The following ZNF385D variants were observed in gnomAD, a reference collection of about 807,000 sequenced individuals.
The protein encoded by ZNF385D is zinc finger protein 659.
In ZNF385D, 15 loss-of-function variants were observed where a neutral mutation model predicts 35.8. The observed-to-expected ratio is 0.42, with a 90% CI of 0.28 to 0.64. ZNF385D has a LOEUF of 0.64. Among genes scored for constraint, ZNF385D ranks in the 30% least tolerant of loss-of-function variants. The pLI is 0.23. For missense variants in ZNF385D, 474 were observed against 494.6 expected, an observed-to-expected ratio of 0.96 and a Z score of 0.39; for synonymous variants, 212 against 186.8, an observed-to-expected ratio of 1.13 and a Z score of -1.10.
At chr3:22,141,524 A>T (rs1479715952) in intron 3 of ZNF385D, among the ~76,000 whole-genome samples, 1 of 152,128 alleles carries the variant, frequency 6.6e-6, no homozygotes, top group Non-Finnish European at 1.5e-5. Flanking sequence ...GCCAATCCTC[A>T]ATTATTTGCA....
intron 2 of ZNF385D, among the ~76,000 whole-genome samples, chr3:22,354,352 A>T (rs1248904484): frequency 6.6e-6 from 1 of 152,132 alleles, no homozygotes; most frequent in Non-Finnish European, 1.5e-5. Flanking sequence ...GTAGTGCTCC[A>T]CACTTAGTCT....
At chr3:22,029,669 G>C (rs1697801970) in intron 3 of ZNF385D, among the ~76,000 whole-genome samples, 1 of 152,096 alleles carries the variant, frequency 6.6e-6, no homozygotes, top group Non-Finnish European at 1.5e-5. Context: ...TTTATCACGT[G>C]ACATGAGATT....
At chr3:21,774,046 A>G (rs1295558092) in intron 3 of ZNF385D, among the ~76,000 whole-genome samples, 2 of 152,022 alleles carry the variant, frequency 1.3e-5, no homozygotes, top group Non-Finnish European at 2.9e-5. Context: ...TAGACTGCGT[A>G]AAGAAAATGT....
chr3:21,481,433 C>T (rs893244346), intron 4 of ZNF385D, among the ~76,000 whole-genome samples: 2 of 152,110 alleles, frequency 1.3e-5, no homozygotes, highest in African/African-American at 4.8e-5. Flanking sequence ...TCTAAAATGC[C>T]CCAGGCCAGT....
chr3:21,947,706 A>G (rs1178084774), intron 3 of ZNF385D, among the ~76,000 whole-genome samples: 1 of 150,118 alleles, frequency 6.7e-6, no homozygotes, highest in Non-Finnish European at 1.5e-5. Context: ...TAATATCTCT[A>G]TATGTATTAA....
At chr3:22,275,161 A>G (rs1173485096) in intron 2 of ZNF385D, among the ~76,000 whole-genome samples, 1 of 152,154 alleles carries the variant, frequency 6.6e-6, no homozygotes, top group Non-Finnish European at 1.5e-5. Flanking sequence ...AACTAGGAAG[A>G]CATTACATTG....
chr3:22,338,989 C>G (rs1252795742), intron 2 of ZNF385D, among the ~76,000 whole-genome samples: 1 of 152,004 alleles, frequency 6.6e-6, no homozygotes, highest in Non-Finnish European at 1.5e-5. Flanking sequence ...GTGTGAGCCA[C>G]CACACCTGGC....
rs1700720746 is a variant in ZNF385D at position 21,421,264 on chromosome 3, G to C, written c.1138C>G (p.Pro380Ala). 2 of 1,614,112 alleles carry C rather than the reference G, an allele frequency of 1.2e-6. No homozygotes were observed. Among genetic ancestry groups the C allele is most frequent in the East Asian group, 2.2e-5 (1 of 44,868 alleles). Reference protein sequence around the residue: ...ALPPALLRPAPGPIRTAHTPV... With the variant: ...ALPPALLRPAAGPIRTAHTPV... ...GTGTGGGCGGTCCGAATGGGTCCAG[G>C]AGCTGGCCGCAGGAGTGCCGGAGGA... The change falls in exon 8 of 8, where the codon CCT becomes GCT. Residue 380 changes from proline to alanine, a missense_variant. Physicochemically the swap from Pro to Ala is conservative, Grantham distance 27 (BLOSUM62 -1). Coordinates refer to ENST00000281523, the MANE Select transcript of ZNF385D (RefSeq NM_024697.3).
chr3:21,932,022 C>T (rs1401427169), intron 3 of ZNF385D, among the ~76,000 whole-genome samples: 1 of 151,736 alleles, frequency 6.6e-6, no homozygotes, highest in Non-Finnish European at 1.5e-5. Context: ...AAAAAATTAG[C>T]CGGGAGCGGT....
chr3:22,124,794 C>A (rs1322321979), intron 3 of ZNF385D, among the ~76,000 whole-genome samples: 1 of 152,050 alleles, frequency 6.6e-6, no homozygotes, highest in African/African-American at 2.4e-5. Flanking sequence ...GTTGTTTGAG[C>A]TCCTTATATA....
At chr3:22,012,890 T>G (rs1321023274) in intron 3 of ZNF385D, among the ~76,000 whole-genome samples, 2 of 152,150 alleles carry the variant, frequency 1.3e-5, no homozygotes, top group Non-Finnish European at 2.9e-5. Flanking sequence ...CTCAATTAAG[T>G]AATCATAGGC....
intron 2 of ZNF385D, among the ~76,000 whole-genome samples, chr3:21,575,771 C>T (rs1439519747): frequency 6.6e-6 from 1 of 152,136 alleles, no homozygotes; most frequent in African/African-American, 2.4e-5. Context: ...ACAGTAAAGT[C>T]AAGGCAGGGT....
At chr3:21,834,224 A>G (rs1695184106) in intron 3 of ZNF385D, among the ~76,000 whole-genome samples, 1 of 152,076 alleles carries the variant, frequency 6.6e-6, no homozygotes, top group Admixed American at 6.6e-5. Context: ...TATCCTAGTT[A>G]TATTCAAATA....
At chr3:21,825,118 G>T (rs1398392105) in intron 3 of ZNF385D, among the ~76,000 whole-genome samples, 1 of 152,124 alleles carries the variant, frequency 6.6e-6, no homozygotes, top group Non-Finnish European at 1.5e-5. Flanking sequence ...TATTTCTAAT[G>T]TTAAATATTT....
At chr3:22,092,619 T>G (rs181340636) in intron 3 of ZNF385D, among the ~76,000 whole-genome samples, 1 of 152,282 alleles carries the variant, frequency 6.6e-6, no homozygotes, top group Non-Finnish European at 1.5e-5. Flanking sequence ...GCTTCTATTA[T>G]GTATCAATTC....
At chr3:22,236,241 A>C (rs928950737) in intron 2 of ZNF385D, among the ~76,000 whole-genome samples, 3 of 152,216 alleles carry the variant, frequency 2.0e-5, no homozygotes, top group African/African-American at 7.2e-5. Context: ...GTGTATTTAC[A>C]TATGTATACA....
At chr3:21,631,701 A>T (rs2065285255) in intron 2 of ZNF385D, among the ~76,000 whole-genome samples, 1 of 152,094 alleles carries the variant, frequency 6.6e-6, no homozygotes, top group African/African-American at 2.4e-5. Context: ...CAGCTCCTCA[A>T]ACCTTTTACT....
rs1015634132 is a variant in ZNF385D at position 21,824,020 on chromosome 3, G to A, written c.326-158992C>T. Among the ~76,000 whole-genome samples, 4 of 152,026 alleles carry A rather than the reference G, an allele frequency of 2.6e-5. No individual in the cohort carries two copies. In the East Asian group the frequency reaches 7.7e-4, roughly 29 times the overall value. ...TGCAATTGTGAAGAAAAGTATTTTG[G>A]GTATAGACTGAGCATTTTCTTAATA... On this transcript the variant is annotated intron_variant, in intron 3 of 5. Coordinates refer to the ZNF385D transcript ENST00000494108.
At chr3:21,647,333 CCTTT>C (rs1240953987) in intron 2 of ZNF385D, among the ~76,000 whole-genome samples, 3 of 151,642 alleles carry the variant, frequency 2.0e-5, no homozygotes, top group East Asian at 3.9e-4. Flanking sequence ...TTCCTTCCTT[CCTTT>C]CTTCATTCCT....
Sources: allele counts gnomAD v4.1 joint callset (sites outside exome capture counted in the v4.1 genomes callset), GRCh38; gene constraint gnomAD v4.1.1; transcripts MANE v1.5; gene names NCBI Gene and HGNC (gene_info 2026-07-23, HGNC 2026-07-21).